Variants in PCSK6 observed in about 807,000 individuals in gnomAD.
PCSK6 encodes the protein proprotein convertase subtilisin/kexin type 6.
Under a neutral mutation model 123.3 loss-of-function variants are expected in PCSK6, and 85 were observed. The observed-to-expected ratio is 0.69, with a 90% CI of 0.58 to 0.83. The LOEUF (loss-of-function observed/expected upper bound fraction) is 0.83. PCSK6 is among the 40% of genes least tolerant of loss of function. The probability of loss-of-function intolerance (pLI) is 0.00; values close to 1 mark genes in which losing one functional copy is unlikely to be tolerated. For missense variants in PCSK6, 1,191 were observed against 1,282.3 expected, an observed-to-expected ratio of 0.93 and a Z score of 1.09; for synonymous variants, 508 against 516.0, an observed-to-expected ratio of 0.98 and a Z score of 0.21.
chr15:101,344,622 G>T (rs1344537669), intron 13 of PCSK6, among the ~76,000 whole-genome samples: 1 of 152,136 alleles, frequency 6.6e-6, no homozygotes, highest in Non-Finnish European at 1.5e-5. Flanking sequence ...GTGGGTAAAT[G>T]AAATATACCT....
intron 11 of PCSK6, among the ~76,000 whole-genome samples, chr15:101,378,734 C>A (rs939659333): frequency 5.3e-5 from 8 of 152,220 alleles, no homozygotes; most frequent in Non-Finnish European, 8.8e-5. Context: ...TCTTATCTTT[C>A]GGGTGGATCC....
intron 1 of PCSK6, among the ~76,000 whole-genome samples, chr15:101,449,223 T>C (rs184631172): frequency 2.0e-4 from 30 of 152,350 alleles, no homozygotes; most frequent in Non-Finnish European, 4.3e-4. Context: ...TTTAGACTAC[T>C]TATAATACCT....
rs561853103 is a variant in PCSK6, at chr15:101,355,859, G to A, written c.1858+10337C>T. On this transcript the variant is annotated intron_variant, in intron 13 of 21. Coordinates refer to ENST00000611716, the MANE Select transcript of PCSK6 (RefSeq NM_002570.5). ...ACAGGCTCTGCCTTGTCGTTCAGGT[G>A]CAACCACCAACGTAGGCTCCGAGGC... is the stretch of plus-strand genomic sequence containing the variant. Among the ~76,000 whole-genome samples the A allele has an allele frequency of 2.0e-5, 3 of 152,300 alleles. No homozygotes were observed. The East Asian group carries it at 5.8e-4, about 29-fold the overall frequency.
At chr15:101,316,436 T>G (rs1007328209) in intron 19 of PCSK6, 1 of 152,250 alleles carries the variant, frequency 6.6e-6, no homozygotes, top group African/African-American at 2.4e-5. Context: ...GAAAAGTGAA[T>G]TATTGAAATC....
At chr15:101,430,693 C>T (rs969474027) in intron 4 of PCSK6, among the ~76,000 whole-genome samples, 2 of 152,212 alleles carry the variant, frequency 1.3e-5, no homozygotes, top group Admixed American at 6.5e-5. Context: ...GGCTGCATAA[C>T]GATCTGTCAG....
At chr15:101,384,560 T>C in intron 9 of PCSK6, 135 bp from the exon 10 acceptor site, 1 of 557,688 alleles carries the variant, frequency 1.8e-6, no homozygotes, top group East Asian at 2.9e-5. Context: ...ACTGCATTCC[T>C]TGGCAAGGGT....
chr15:101,320,554 A>G (rs989797098), intron 18 of PCSK6, among the ~76,000 whole-genome samples: 1 of 152,034 alleles, frequency 6.6e-6, no homozygotes, highest in African/African-American at 2.4e-5. Flanking sequence ...ATTTAGCAGG[A>G]AGACGTCTGT....
rs571759808 is a variant in PCSK6 at position 101,390,794 on chromosome 15, A to C, written c.1210-1230T>G. Among the ~76,000 whole-genome samples, 8 of 152,324 alleles carry C rather than the reference A, an allele frequency of 5.3e-5. No homozygotes were observed. The South Asian group carries it at 1.7e-3, about 32-fold the overall frequency. ...CTTGGCCTCGTGAGACTCAAAGCAG[A>C]GACTCGGCTGAGGCTCCTGGACTTC... On this transcript the variant is annotated intron_variant, in intron 8 of 21. Coordinates refer to ENST00000611716, the MANE Select transcript of PCSK6 (RefSeq NM_002570.5).
intron 2 of PCSK6, among the ~76,000 whole-genome samples, chr15:101,437,528 C>T (rs539846863): frequency 3.3e-5 from 5 of 152,286 alleles, no homozygotes; most frequent in Admixed American, 3.3e-4. Flanking sequence ...GCTCCCTCCC[C>T]ACTGCCTCCC....
chr15:101,469,879 G>C (rs968625025), intron 1 of PCSK6, among the ~76,000 whole-genome samples: 2 of 152,220 alleles, frequency 1.3e-5, no homozygotes, highest in South Asian at 4.2e-4. Flanking sequence ...TTTAAAAATA[G>C]TGCTTTCCTA....
intron 13 of PCSK6, among the ~76,000 whole-genome samples, chr15:101,358,177 C>T (rs1361287518): frequency 6.6e-6 from 1 of 152,188 alleles, no homozygotes; most frequent in African/African-American, 2.4e-5. Context: ...AGTCTCACCC[C>T]TGGGGGTAGG....
intron 1 of PCSK6, among the ~76,000 whole-genome samples, chr15:101,449,063 A>G (rs1187256193): frequency 6.6e-6 from 1 of 152,150 alleles, no homozygotes; most frequent in Non-Finnish European, 1.5e-5. Context: ...AGATGTATAT[A>G]TATGTATACA....
chr15:101,363,524 C>T (rs1171620603), intron 13 of PCSK6, among the ~76,000 whole-genome samples: 2 of 152,216 alleles, frequency 1.3e-5, no homozygotes, highest in East Asian at 3.8e-4. Context: ...TCGGCCAATA[C>T]ACTTTGGGGC....
intron 9 of PCSK6, 83 bp downstream of exon 9, chr15:101,389,381 A>G (rs2042159094): frequency 1.2e-5 from 13 of 1,054,068 alleles, no homozygotes. Flanking sequence ...CCACTTCAAT[A>G]GGGTGAAAAT....
chr15:101,400,720 C>A (rs553176033), intron 6 of PCSK6, among the ~76,000 whole-genome samples: 2 of 152,230 alleles, frequency 1.3e-5, no homozygotes, highest in Non-Finnish European at 2.9e-5. Context: ...CTAACACATA[C>A]ATTTCAAATG....
At chr15:101,341,998 T>C (rs1197720471) in intron 13 of PCSK6, among the ~76,000 whole-genome samples, 8 of 151,466 alleles carry the variant, frequency 5.3e-5, no homozygotes, top group African/African-American at 2.4e-5. Flanking sequence ...GGCGCGGTGG[T>C]GCATGCCTGT....
At chr15:101,374,351 C>G (rs529744042) in intron 11 of PCSK6, among the ~76,000 whole-genome samples, 1 of 152,230 alleles carries the variant, frequency 6.6e-6, no homozygotes, top group South Asian at 2.1e-4. Context: ...TAACCGAGTG[C>G]CAGGGGAAGC....
At chr15:101,354,204 C>T (rs2040976672) in intron 13 of PCSK6, among the ~76,000 whole-genome samples, 1 of 152,190 alleles carries the variant, frequency 6.6e-6, no homozygotes. Context: ...CACACACACA[C>T]AGATACATGT....
intron 6 of PCSK6, among the ~76,000 whole-genome samples, chr15:101,401,677 A>G (rs2042592820): frequency 6.6e-6 from 1 of 152,246 alleles, no homozygotes. Context: ...CACTTATCAT[A>G]TGTAGAGGGA....
Sources: allele counts gnomAD v4.1 joint callset (sites outside exome capture counted in the v4.1 genomes callset), GRCh38; gene constraint gnomAD v4.1.1; transcripts MANE v1.5; gene names NCBI Gene and HGNC (gene_info 2026-07-23, HGNC 2026-07-21).